SLC25A21: variants seen among roughly 807,000 people sequenced by gnomAD.
The protein encoded by SLC25A21 is solute carrier family 25 member 21, also known as mitochondrial 2-oxodicarboxylate carrier.
A neutral mutation model predicts 43.8 loss-of-function variants in SLC25A21; 47 were observed. The ratio of observed to expected loss-of-function variants is 1.07; its 90% CI spans 0.85 to 1.37. SLC25A21 has a LOEUF of 1.37. Among genes scored for constraint, SLC25A21 ranks in the 40% most tolerant of loss-of-function variants. SLC25A21 has a pLI of 0.00. For synonymous variants in SLC25A21, 131 were observed against 121.3 expected, an observed-to-expected ratio of 1.08 and a Z score of -0.52; for missense variants, 352 against 350.2, an observed-to-expected ratio of 1.00 and a Z score of -0.04.
chr14:37,100,641 C>T (rs1310977360), intron 1 of SLC25A21, among the ~76,000 whole-genome samples: 1 of 152,176 alleles, frequency 6.6e-6, no homozygotes, highest in Non-Finnish European at 1.5e-5. Flanking sequence ...CAACACCATT[C>T]AGGTTTAGAG....
At chr14:37,089,136 C>A (rs1962537309) in intron 1 of SLC25A21, among the ~76,000 whole-genome samples, 1 of 152,114 alleles carries the variant, frequency 6.6e-6, no homozygotes, top group African/African-American at 2.4e-5. Context: ...TTTATACCAT[C>A]TCTTCCTGTG....
At chr14:36,935,263 A>AT (rs767990116) in intron 1 of SLC25A21, among the ~76,000 whole-genome samples, 11 of 152,098 alleles carry the variant, frequency 7.2e-5, no homozygotes, top group African/African-American at 1.4e-4. Flanking sequence ...TCATCACTGA[A>AT]TTTTTTTATC....
intron 1 of SLC25A21, among the ~76,000 whole-genome samples, chr14:37,062,458 AT>A (rs148996478): frequency 5.9e-5 from 9 of 151,498 alleles, no homozygotes; most frequent in Non-Finnish European, 1.0e-4. Flanking sequence ...TCGCAAAATA[AT>A]TTTTTTTTTA....
At chr14:36,817,644 G>A (rs186840159) in intron 2 of SLC25A21, among the ~76,000 whole-genome samples, 3 of 152,226 alleles carry the variant, frequency 2.0e-5, no homozygotes, top group South Asian at 2.1e-4. Flanking sequence ...TCAGCACTTC[G>A]GCTACCTCAG....
At chr14:37,094,858 G>C (rs1030177862) in intron 1 of SLC25A21, among the ~76,000 whole-genome samples, 2 of 152,122 alleles carry the variant, frequency 1.3e-5, no homozygotes, top group Non-Finnish European at 1.5e-5. Flanking sequence ...ATTTCAGTTG[G>C]ATAAGAGGAA....
intron 1 of SLC25A21, among the ~76,000 whole-genome samples, chr14:37,134,581 G>A (rs1018738916): frequency 6.6e-6 from 1 of 151,180 alleles, no homozygotes; most frequent in Admixed American, 6.6e-5. Context: ...GGAGGTCAAG[G>A]CTGCAGTGAG....
intron 3 of SLC25A21, among the ~76,000 whole-genome samples, chr14:36,768,393 T>A (rs1378278226): frequency 6.6e-6 from 1 of 152,172 alleles, no homozygotes; most frequent in East Asian, 1.9e-4. Context: ...ATGACTTGAG[T>A]TTGATTACCA....
At chr14:36,936,221 T>G (rs1006498984) in intron 1 of SLC25A21, among the ~76,000 whole-genome samples, 3 of 152,164 alleles carry the variant, frequency 2.0e-5, no homozygotes, top group Non-Finnish European at 2.9e-5. Flanking sequence ...AAATAATTTC[T>G]TCATTTACTT....
chr14:36,685,022 A>G (rs930218909), intron 7 of SLC25A21, 97 bp from the exon 8 acceptor site: 5 of 845,866 alleles, frequency 5.9e-6, no homozygotes, highest in African/African-American at 5.2e-5. Context: ...AGAGCATTGC[A>G]CTCCCGGCAC....
chr14:36,954,308 C>T (rs1007357361), intron 1 of SLC25A21, among the ~76,000 whole-genome samples: 3 of 151,970 alleles, frequency 2.0e-5, no homozygotes, highest in African/African-American at 4.8e-5. Flanking sequence ...TTGTCTTTAT[C>T]CTCCCCCCAT....
intron 1 of SLC25A21, among the ~76,000 whole-genome samples, chr14:37,007,625 G>C (rs1446529206): frequency 8.7e-6 from 1 of 115,090 alleles, no homozygotes; most frequent in African/African-American, 4.1e-5. Context: ...TAATAATAAA[G>C]AACTTTGAGG....
intron 3 of SLC25A21, among the ~76,000 whole-genome samples, chr14:36,778,378 C>G (rs1484475791): frequency 1.3e-5 from 2 of 152,204 alleles, no homozygotes; most frequent in Non-Finnish European, 2.9e-5. Flanking sequence ...AGGGTTGCAC[C>G]AAGAAATGAA....
At chr14:36,884,087 T>C (rs1287909771) in intron 1 of SLC25A21, among the ~76,000 whole-genome samples, 1 of 152,196 alleles carries the variant, frequency 6.6e-6, no homozygotes, top group African/African-American at 2.4e-5. Flanking sequence ...AACTTATTTC[T>C]ACTGCCTTGC....
intron 7 of SLC25A21, among the ~76,000 whole-genome samples, chr14:36,709,137 AG>A (rs1883718557): frequency 6.6e-6 from 1 of 152,082 alleles, no homozygotes; most frequent in Non-Finnish European, 1.5e-5. Flanking sequence ...CCTCCCGAGT[AG>A]CTGGGATTAC....
chr14:36,747,148 C>T (rs1885532240), intron 3 of SLC25A21, among the ~76,000 whole-genome samples: 1 of 152,260 alleles, frequency 6.6e-6, no homozygotes, highest in Admixed American at 6.5e-5. Context: ...GTATTAGTCA[C>T]ATGATTACCA....
Position 36,744,604 on chromosome 14 carries a change from A to G in SLC25A21, c.204-10031T>C, listed in dbSNP as rs1486132088. ...AAAATACTAGAAAAAGAAATATAGG[A>G]GAAATTCTTCTGAACATTGGCAGAA... On this transcript the variant is annotated intron_variant, in intron 3 of 9. Transcript: ENST00000331299. 1.2e-4 allele frequency among the ~76,000 whole-genome samples: 19 copies of G among 152,332 alleles called. No homozygotes were observed. The East Asian group carries it at 3.5e-3, about 28-fold the overall frequency.
intron 1 of SLC25A21, among the ~76,000 whole-genome samples, chr14:36,885,750 C>A (rs1400467050): frequency 6.6e-6 from 1 of 152,038 alleles, no homozygotes; most frequent in Non-Finnish European, 1.5e-5. Context: ...TTATGGAGCA[C>A]AAAATATCTT....
intron 1 of SLC25A21, among the ~76,000 whole-genome samples, chr14:37,054,927 C>T (rs1476621337): frequency 2.0e-5 from 3 of 152,156 alleles, no homozygotes; most frequent in African/African-American, 7.2e-5. Flanking sequence ...AAAAAATGCA[C>T]AGAGGGCAAG....
intron 1 of SLC25A21, among the ~76,000 whole-genome samples, chr14:37,040,098 G>T (rs142389187): frequency 0.011 from 1,703 of 151,224 alleles, 25 homozygotes; most frequent in African/African-American, 0.039. Context: ...TACTCGGGAG[G>T]CAGGAGCAGG....
Sources: allele counts gnomAD v4.1 joint callset (sites outside exome capture counted in the v4.1 genomes callset), GRCh38; gene constraint gnomAD v4.1.1; transcripts MANE v1.5; gene names NCBI Gene and HGNC (gene_info 2026-07-23, HGNC 2026-07-21).